ZFHX4: variants seen among roughly 807,000 people sequenced by gnomAD.
ZFHX4 encodes zinc finger homeobox protein 4.
ZFHX4 carries 56 observed loss-of-function variants against 267.6 expected under a neutral mutation model. The observed-to-expected ratio is 0.21, with a 90% confidence interval of 0.17 to 0.26. The LOEUF (loss-of-function observed/expected upper bound fraction) is 0.26. Ranked by LOEUF, ZFHX4 falls within the 10% of genes least tolerant of loss-of-function variation. The pLI is 1.00. For synonymous variants in ZFHX4, 1,778 were observed against 1,665.6 expected (o/e 1.07, Z -1.64); for missense variants, 4,332 against 4,420.0 (o/e 0.98, Z 0.56).
intron 4 of ZFHX4, among the ~76,000 whole-genome samples, chr8:76,812,101 A>T (rs946941826): frequency 2.3e-4 from 35 of 152,236 alleles, no homozygotes; most frequent in Non-Finnish European, 4.0e-4. Flanking sequence ...TAAGAAAATC[A>T]TGTTTACAAT....
chr8:76,713,053 G>A (rs994250063), intron 3 of ZFHX4, among the ~76,000 whole-genome samples: 19 of 152,192 alleles, frequency 1.2e-4, no homozygotes, highest in South Asian at 1.0e-3. Flanking sequence ...CAGAACAAAT[G>A]CAATTGGCCA....
intron 4 of ZFHX4, among the ~76,000 whole-genome samples, chr8:76,818,448 C>T (rs1246041672): frequency 2.6e-5 from 4 of 151,976 alleles, no homozygotes; most frequent in South Asian, 2.1e-4. Context: ...AGTTTGGATT[C>T]GATAAAGGAG....
intron 3 of ZFHX4, among the ~76,000 whole-genome samples, chr8:76,759,849 T>C (rs868505336): frequency 5.3e-5 from 8 of 152,258 alleles, no homozygotes; most frequent in Non-Finnish European, 4.4e-5. Context: ...TGTAAATAAA[T>C]AAAATAAATA....
At chr8:76,756,133 C>T (rs963338307) in intron 3 of ZFHX4, among the ~76,000 whole-genome samples, 1 of 152,176 alleles carries the variant, frequency 6.6e-6, no homozygotes, top group Non-Finnish European at 1.5e-5. Flanking sequence ...TTGTTGATGG[C>T]ATTGTCTTTT....
At chr8:76,731,890 A>ATTATTATTATTT (rs1554555184) in intron 3 of ZFHX4, among the ~76,000 whole-genome samples, 1 of 145,948 alleles carries the variant, frequency 6.9e-6, no homozygotes, top group Non-Finnish European at 1.5e-5. Flanking sequence ...TATTATTATT[A>ATTATTATTATTT]TTTTTGAGAC....
intron 4 of ZFHX4, among the ~76,000 whole-genome samples, chr8:76,803,724 G>A (rs943667603): frequency 9.2e-5 from 14 of 151,862 alleles, no homozygotes; most frequent in Non-Finnish European, 1.8e-4. Context: ...TATAAATAGG[G>A]CAAATAAACA....
At chr8:76,819,142 GTTTT>G (rs11361228) in intron 4 of ZFHX4, among the ~76,000 whole-genome samples, 7 of 127,610 alleles carry the variant, frequency 5.5e-5, no homozygotes, top group African/African-American at 8.8e-5. Context: ...GCTCATAAAG[GTTTT>G]TTTTTTTTTT....
At chr8:76,815,814 A>G (rs1811491082) in intron 4 of ZFHX4, among the ~76,000 whole-genome samples, 1 of 152,158 alleles carries the variant, frequency 6.6e-6, no homozygotes, top group African/African-American at 2.4e-5. Flanking sequence ...AATTTCTTTC[A>G]TAAAGACACT....
At chr8:76,701,468 T>C (rs1038491356) in intron 1 of ZFHX4, among the ~76,000 whole-genome samples, 1 of 152,182 alleles carries the variant, frequency 6.6e-6, no homozygotes, top group African/African-American at 2.4e-5. Flanking sequence ...TAATTTTTTA[T>C]ATAGCAATAA....
At position 76,764,809 on chromosome 8, in the gene ZFHX4, TA is replaced by T. The variant is rs555447889; in HGVS notation, c.3094-13396del. On this transcript the variant is annotated intron_variant, in intron 3 of 10. Coordinates refer to ENST00000651372, the MANE Select transcript of ZFHX4 (RefSeq NM_024721.5). ...TGTGTAACTTTTGCGGTTATATTAT[TA>T]AAGCAAAAGTCATTTCTTCCATGCT... Among the ~76,000 whole-genome samples the T allele has an allele frequency of 1.8e-4, 28 of 152,312 alleles. No individual in the cohort carries two copies. In the South Asian group the frequency reaches 5.8e-3, roughly 32 times the overall value.
chr8:76,842,792 A>G, intron 6 of ZFHX4, 21 bp downstream of exon 6: 1 of 1,514,798 alleles, frequency 6.6e-7, no homozygotes, highest in Non-Finnish European at 9.0e-7. Context: ...AGAATCTTTC[A>G]CCTCGGCATT....
At position 76,772,942 on chromosome 8, in the gene ZFHX4, G is replaced by T. The variant is rs551082299; in HGVS notation, c.3094-5266G>T. On this transcript the variant is annotated intron_variant, in intron 3 of 10. Transcript: ENST00000651372. Reference sequence around the variant, plus strand: ...CTTTGGGAAAGTGGTACCCAGAGGTGCCTTTTCTCTATCCCATGAAATCTA... The same window carrying T: ...CTTTGGGAAAGTGGTACCCAGAGGTTCCTTTTCTCTATCCCATGAAATCTA... Among the ~76,000 whole-genome samples, 7 of 152,224 alleles carry T rather than the reference G, an allele frequency of 4.6e-5. No homozygotes were observed. In the South Asian group the frequency reaches 1.5e-3, roughly 32 times the overall value.
chr8:76,794,736 G>A (rs1242112221), intron 4 of ZFHX4, among the ~76,000 whole-genome samples: 3 of 152,246 alleles, frequency 2.0e-5, no homozygotes, highest in East Asian at 1.9e-4. Context: ...AGAATTAAGT[G>A]TAGATTTGTA....
chr8:76,686,671 G>T (rs1052620590), intron 1 of ZFHX4, among the ~76,000 whole-genome samples: 2 of 152,074 alleles, frequency 1.3e-5, no homozygotes, highest in Admixed American at 6.5e-5. Context: ...ATCTCCCAAG[G>T]TTCGACAATG....
intron 4 of ZFHX4, among the ~76,000 whole-genome samples, chr8:76,815,591 T>A (rs1385977822): frequency 2.0e-5 from 3 of 152,140 alleles, no homozygotes; most frequent in African/African-American, 7.2e-5. Context: ...AGCCTCGAAA[T>A]CCTGGGCTCA....
intron 3 of ZFHX4, among the ~76,000 whole-genome samples, chr8:76,710,995 T>G (rs1166145616): frequency 6.6e-6 from 1 of 152,126 alleles, no homozygotes; most frequent in Non-Finnish European, 1.5e-5. Flanking sequence ...GTAAAAAATA[T>G]TTATTTATTT....
chr8:76,854,242 G>T lies in ZFHX4; in HGVS notation c.7321G>T (p.Ala2441Ser), dbSNP rs771501046. 1.8e-5 allele frequency: 29 copies of T among 1,569,040 alleles called. No homozygotes were observed. Among genetic ancestry groups the T allele is most frequent in the Non-Finnish European group, 2.4e-5 (28 of 1,157,330 alleles). ...ATCGACTTCCTCGGACCCACCACAG[G>T]CATCCACAGCCCAGCCACAGCCACA... The part of the protein sequence containing the change: ...LASTSSDPPQ[A>S]STAQPQPQPQ... The change falls in exon 10 of 11, where the codon GCA (alanine) becomes TCA (serine). Residue 2441 changes from alanine (A) to serine (S), a missense_variant. By Grantham distance (99) the Ala-to-Ser change is moderately conservative. Transcript: ENST00000651372.
At chr8:76,837,795 A>C (rs932372541) in intron 5 of ZFHX4, among the ~76,000 whole-genome samples, 2 of 152,212 alleles carry the variant, frequency 1.3e-5, no homozygotes, top group Non-Finnish European at 2.9e-5. Flanking sequence ...AATTGTGGTG[A>C]ATGGTTTAAC....
At chr8:76,814,588 A>G (rs1286918035) in intron 4 of ZFHX4, among the ~76,000 whole-genome samples, 1 of 152,198 alleles carries the variant, frequency 6.6e-6, no homozygotes, top group Non-Finnish European at 1.5e-5. Context: ...GAATGCTGAA[A>G]TTAGAAAAAT....
Sources: allele counts gnomAD v4.1 joint callset (sites outside exome capture counted in the v4.1 genomes callset), GRCh38; gene constraint gnomAD v4.1.1; transcripts MANE v1.5; gene names NCBI Gene and HGNC (gene_info 2026-07-23, HGNC 2026-07-21).